Variants in MYBPC3 observed in about 807,000 individuals in gnomAD.
The protein encoded by MYBPC3 is myosin binding protein C3, also known as myosin-binding protein C, cardiac-type.
MYBPC3 carries 108 observed loss-of-function variants against 159.3 expected under a neutral mutation model. That is an observed-to-expected ratio of 0.68 (90% CI 0.58 to 0.80). MYBPC3 has a LOEUF of 0.80. Among genes scored for constraint, MYBPC3 ranks in the 30% least tolerant of loss-of-function variants. The probability of loss-of-function intolerance (pLI) is 0.00; values close to 1 mark genes in which losing one functional copy is unlikely to be tolerated. For missense variants in MYBPC3, 1,631 were observed against 1,762.1 expected, an observed-to-expected ratio of 0.93 and a Z score of 1.33; for synonymous variants, 730 against 702.0, an observed-to-expected ratio of 1.04 and a Z score of -0.63.
intron 21 of MYBPC3, 98 bp downstream of exon 21, chr11:47,339,553 C>T (rs1344291987): frequency 1.6e-5 from 24 of 1,475,090 alleles, no homozygotes; most frequent in African/African-American, 1.1e-4. Flanking sequence ...AACAGCAGGG[C>T]GTGCACATGT....
chr11:47,350,561 G>C lies in MYBPC3; in HGVS notation c.347C>G (p.Ala116Gly). The C allele has an allele frequency of 6.5e-7, 1 of 1,545,508 alleles. No individual in the cohort carries two copies. Among genetic ancestry groups the C allele is most frequent in the South Asian group, 1.2e-5 (1 of 81,602 alleles). The change falls in exon 3 of 35, where the codon GCC (alanine) becomes GGC (glycine). Residue 116 changes from alanine to glycine, a missense_variant. Physicochemically the swap from Ala to Gly is moderately conservative, Grantham distance 60 (BLOSUM62 0). Coordinates refer to ENST00000545968, the MANE Select transcript of MYBPC3 (RefSeq NM_000256.3). ...PAPAPAEATGAPGEAPAPAAE... is the reference protein window; with the variant it reads ...PAPAPAEATGGPGEAPAPAAE... The stretch of plus-strand genomic sequence containing the variant: ...GGCTGGGGCCGGGGCTTCTCCAGGG[G>C]CTCCAGTGGCCTCAGCAGGGGCAGG...
intron 27 of MYBPC3, 47 bp downstream of exon 27, chr11:47,334,995 C>A: frequency 6.8e-7 from 1 of 1,460,148 alleles, no homozygotes. Context: ...CACCAAGGGC[C>A]TGGGGTGTCA....
At chr11:47,341,677 C>T (rs918912450) in intron 18 of MYBPC3, among the ~76,000 whole-genome samples, 5 of 150,054 alleles carry the variant, frequency 3.3e-5, no homozygotes, top group East Asian at 1.9e-4. Flanking sequence ...CGACCCCGTC[C>T]GTGTCTCTCC....
intron 25 of MYBPC3, among the ~76,000 whole-genome samples, chr11:47,336,686 G>A (rs973658017): frequency 9.2e-5 from 14 of 152,190 alleles, no homozygotes; most frequent in African/African-American, 3.1e-4. Flanking sequence ...CCTGGGCCCA[G>A]GGGTCCTTGG....
rs1288843690 is a variant in MYBPC3 at position 47,332,585 on chromosome 11, G to A, written c.3608C>T (p.Ala1203Val). 1 of 1,613,414 alleles carries A rather than the reference G, an allele frequency of 6.2e-7. No homozygotes were observed. Among genetic ancestry groups the A allele is most frequent in the Admixed American group, 1.7e-5 (1 of 59,996 alleles). Residue 1203 changes from alanine to valine, a missense_variant, in exon 32 of 35, where the codon GCT (alanine) becomes GTT (valine). Coordinates refer to ENST00000545968, the MANE Select transcript of MYBPC3 (RefSeq NM_000256.3). The surrounding 1 kb of genome is among the most constrained non-coding windows in gnomAD (Gnocchi z 4.2). ...IAGYTAMLCCAVRGSPKPKIS... is the reference protein window; with the variant it reads ...IAGYTAMLCCVVRGSPKPKIS... Reference sequence around the variant, plus strand: ...CCCTACCTTGGGGCTACCCCGGACAGCACAGCAGAGCATAGCAGTGTAGCC... The same window carrying A: ...CCCTACCTTGGGGCTACCCCGGACAACACAGCAGAGCATAGCAGTGTAGCC...
chr11:47,352,663 A>G lies in MYBPC3; in HGVS notation c.-16T>C. On this transcript the variant is annotated 5_prime_UTR_variant, in exon 1 of 35. Coordinates refer to ENST00000545968, the MANE Select transcript of MYBPC3 (RefSeq NM_000256.3). ...GCTCAGGCATCCTGAGAGACGTCAC[A>G]CCAGGCACGAAGCAGGCACAGGTCA... 6.3e-7 allele frequency: 1 copy of G among 1,587,470 alleles called. No homozygotes were observed. Among genetic ancestry groups the G allele is most frequent in the Non-Finnish European group, 8.6e-7 (1 of 1,167,196 alleles).
intron 6 of MYBPC3, 73 bp from the exon 7 acceptor site, chr11:47,347,978 C>T (rs935798730): frequency 3.6e-5 from 52 of 1,424,822 alleles, no homozygotes; most frequent in African/African-American, 3.1e-4. Flanking sequence ...GCCCTGGGGG[C>T]GGCCTCTGAG....
chr11:47,348,019 T>C (rs1362417915), intron 6 of MYBPC3, 114 bp from the exon 7 acceptor site: 2 of 1,043,202 alleles, frequency 1.9e-6, no homozygotes, highest in Non-Finnish European at 2.9e-6. Flanking sequence ...CATGACCCCA[T>C]GAGGCTGGGC....
intron 13 of MYBPC3, 78 bp downstream of exon 13, chr11:47,343,414 C>T: frequency 1.3e-6 from 2 of 1,511,108 alleles, no homozygotes; most frequent in East Asian, 2.4e-5. Flanking sequence ...CAGAGATACG[C>T]ATGTGGAGAG....
intron 25 of MYBPC3, 138 bp from the exon 26 acceptor site, chr11:47,336,149 T>C: frequency 1.1e-6 from 1 of 874,262 alleles, no homozygotes; most frequent in Non-Finnish European, 1.6e-6. Context: ...TTAAGGAATA[T>C]TTTGTCCCTG....
Position 47,346,542 on chromosome 11 carries a change from G to A in MYBPC3, c.926+85C>T, listed in dbSNP as rs77675955. On this transcript the variant is annotated intron_variant, in intron 11 of 34. Coordinates refer to ENST00000545968, the MANE Select transcript of MYBPC3 (RefSeq NM_000256.3). This position sits in a 1 kb window ranked among gnomAD's most constrained non-coding sequence, Gnocchi z 5.3. ...CAGGCCAGGCAGGACTGGGGGCCAA[G>A]GGAGCTGAAGAGGGGCTGGGGATCT... 4.7e-5 allele frequency: 71 copies of A among 1,499,616 alleles called. No individual in the cohort carries two copies. The highest frequency in any genetic ancestry group is 5.9e-5 in the Non-Finnish European group (66 of 1,113,390). The allele number at this position is 1,499,616 out of a possible 1,614,324, so 92.9% of individuals were successfully genotyped here. A position where few individuals can be genotyped will look rare whatever the true frequency, so the allele number is the denominator to read the frequency against.
At position 47,345,822 on chromosome 11, in the gene MYBPC3, G is replaced by A. The variant is rs188132745; in HGVS notation, c.1090+385C>T. On this transcript the variant is annotated intron_variant, in intron 12 of 34. Coordinates refer to ENST00000545968, the MANE Select transcript of MYBPC3 (RefSeq NM_000256.3). ...CTTTTGGGTGTGGAGAGGGTTAACC[G>A]GGCTTCATTTCTTTTCAGAAGAGGG... 7.9e-5 allele frequency among the ~76,000 whole-genome samples: 12 copies of A among 152,256 alleles called. No individual in the cohort carries two copies. In the East Asian group the frequency reaches 2.1e-3, roughly 27 times the overall value.
chr11:47,348,674 C>T (rs372448558), intron 5 of MYBPC3, 133 bp from the exon 6 acceptor site: 56 of 604,462 alleles, frequency 9.3e-5, no homozygotes, highest in South Asian at 6.3e-4. Flanking sequence ...GAGGCTGAGG[C>T]GGGCGGATCA....
At position 47,346,722 on chromosome 11, in the gene MYBPC3, C is replaced by T. The variant is rs2095894541; in HGVS notation, c.909-78G>A. On this transcript the variant is annotated intron_variant, in intron 10 of 34. Coordinates refer to ENST00000545968, the MANE Select transcript of MYBPC3 (RefSeq NM_000256.3). The surrounding 1 kb of genome is among the most constrained non-coding windows in gnomAD (Gnocchi z 5.3). Reference sequence around the variant, plus strand: ...GCCACCTTCCCTCAAAGACCTGGACCCCACCCATGGGCCTTTACTTCCTCC... The same window carrying T: ...GCCACCTTCCCTCAAAGACCTGGACTCCACCCATGGGCCTTTACTTCCTCC... 3 of 1,429,420 alleles carry T rather than the reference C, an allele frequency of 2.1e-6. No homozygotes were observed. The highest frequency in any genetic ancestry group is 2.4e-5 in the East Asian group (1 of 41,464). The allele number at this position is 1,429,420 out of a possible 1,614,324, so 88.5% of individuals were successfully genotyped here.
intron 5 of MYBPC3, among the ~76,000 whole-genome samples, chr11:47,348,751 G>A (rs1056710398): frequency 7.6e-5 from 11 of 145,056 alleles, no homozygotes; most frequent in South Asian, 2.2e-4. Context: ...TAAAAATAAC[G>A]AAAATTAGCC....
At chr11:47,342,513 T>C in intron 17 of MYBPC3, 65 bp downstream of exon 17, 1 of 1,459,806 alleles carries the variant, frequency 6.9e-7, no homozygotes, top group Non-Finnish European at 9.0e-7. Flanking sequence ...CCTACAGGGC[T>C]AGGTGGGGTG....
chr11:47,334,113 GA>G, intron 27 of MYBPC3, 103 bp from the exon 28 acceptor site: 1 of 1,150,026 alleles, frequency 8.7e-7, no homozygotes, highest in Non-Finnish European at 1.2e-6. Context: ...CTGCAGCTAA[GA>G]AAAAAGCTGC....
intron 18 of MYBPC3, 79 bp from the exon 19 acceptor site, chr11:47,341,323 A>T: frequency 1.8e-6 from 2 of 1,134,306 alleles, no homozygotes; most frequent in Middle Eastern, 2.8e-4. Flanking sequence ...CCAGGGTCCC[A>T]GGAGGCCCTC....
Position 47,343,037 on chromosome 11 carries a change from C to T in MYBPC3, c.1335G>A (p.Thr445=), listed in dbSNP as rs727503205. The T allele has an allele frequency of 4.6e-5, 75 of 1,613,136 alleles. No homozygotes were observed. The highest frequency in any genetic ancestry group is 1.8e-4 in the Admixed American group (11 of 59,912). The change falls in exon 15 of 35, where the codon ACG becomes ACA. Residue 445 remains threonine, a synonymous_variant. Coordinates refer to ENST00000545968, the MANE Select transcript of MYBPC3 (RefSeq NM_000256.3). ...CAGGCCCACCTTTCACAAAGAGCTC[C>T]GTGCTACACTTCTCGCCACCCACCA... is the stretch of plus-strand genomic sequence containing the variant. The part of the protein sequence containing the change: ...QCVVGGEKCS[T]ELFVKEPPVL...
Sources: gnomAD v4.1 joint callset for allele counts (sites outside exome capture counted in the v4.1 genomes callset) on GRCh38, gnomAD v4.1.1 for gene constraint, Gnocchi (gnomAD v3.1) non-coding constraint, MANE v1.5 for transcripts, NCBI Gene and HGNC (gene_info 2026-07-23, HGNC 2026-07-21) for gene names.